The following YJU2B variants were observed in gnomAD, a reference collection of about 807,000 sequenced individuals.
YJU2B encodes the protein probable splicing factor YJU2B.
A neutral mutation model predicts 38.0 loss-of-function variants in YJU2B; 18 were observed. That is an observed-to-expected ratio of 0.47 (90% CI 0.33 to 0.70). The LOEUF (loss-of-function observed/expected upper bound fraction) is 0.70. Ranked by LOEUF, YJU2B falls within the 30% of genes least tolerant of loss-of-function variation. The pLI, the probability that YJU2B is intolerant of heterozygous loss-of-function variation, is 0.02. For missense variants in YJU2B, 538 were observed against 556.3 expected, an observed-to-expected ratio of 0.97 and a Z score of 0.33; for synonymous variants, 246 against 225.4, an observed-to-expected ratio of 1.09 and a Z score of -0.82.
intron 8 of YJU2B, among the ~76,000 whole-genome samples, chr19:13,760,221 G>A (rs1201682069): frequency 6.6e-6 from 1 of 152,064 alleles, no homozygotes; most frequent in African/African-American, 2.4e-5. Flanking sequence ...ACCGAGACCA[G>A]CCAAAATAAA....
upstream of YJU2B, among the ~76,000 whole-genome samples, chr19:13,746,160 G>A (rs1341985676): frequency 1.3e-5 from 2 of 151,976 alleles, no homozygotes; most frequent in African/African-American, 2.4e-5. Flanking sequence ...GCTGAAGCAG[G>A]AGACTCACTT....
At chr19:13,754,008 T>C (rs942812315) in intron 2 of YJU2B, among the ~76,000 whole-genome samples, 16 of 151,768 alleles carry the variant, frequency 1.1e-4, no homozygotes, top group Non-Finnish European at 1.9e-4. Flanking sequence ...CCATCTCTAC[T>C]AAAAATACAA....
intron 6 of YJU2B, among the ~76,000 whole-genome samples, chr19:13,758,161 C>T (rs779506440): frequency 2.6e-5 from 4 of 152,218 alleles, no homozygotes; most frequent in Non-Finnish European, 5.9e-5. Context: ...ACACCCACCT[C>T]TGTGCTTCCA....
rs763221273 is a variant in YJU2B at position 13,759,142 on chromosome 19, G to A, written c.443G>A (p.Arg148Gln). 1.4e-5 allele frequency: 22 copies of A among 1,613,606 alleles called. No homozygotes were observed. The highest frequency in any genetic ancestry group is 2.2e-5 in the East Asian group (1 of 44,874). ...KQKLETDAMFRLEHGEADRST... is the reference protein window; with the variant it reads ...KQKLETDAMFQLEHGEADRST... ...AAGCTGGAGACGGACGCCATGTTCC[G>A]GCTGGAGCATGGCGAGGCCGACCGC... Residue 148 changes from arginine (R) to glutamine (Q), a missense_variant, in exon 8 of 10, where the codon CGG becomes CAG. Around this residue, in one of 2 missense-constraint regions of YJU2B, gnomAD observed 488 missense variants for 469.5 expected, o/e 1.04. Transcript: ENST00000221554.
chr19:13,740,597 G>A (rs1193382913), intron 2 of YJU2B, among the ~76,000 whole-genome samples: 2 of 151,978 alleles, frequency 1.3e-5, no homozygotes, highest in East Asian at 3.9e-4. Context: ...GAGTGTAGTG[G>A]CGCAATCTTG....
chr19:13,750,112 A>C lies in YJU2B; in HGVS notation c.-201-1496A>C, dbSNP rs948669000. On this transcript the variant is annotated intron_variant, in intron 1 of 9. Transcript: ENST00000221554. The stretch of plus-strand genomic sequence containing the variant: ...TGGGCCTGGCACTGTCCTAGGTGTT[A>C]GGGATATGGCACAGTGTGACCTGCC... 8.5e-5 allele frequency among the ~76,000 whole-genome samples: 13 copies of C among 152,174 alleles called. 1 individual carries two copies. Among genetic ancestry groups the C allele is most frequent in the African/African-American group, 2.9e-4 (12 of 41,464 alleles).
At chr19:13,761,976 A>C (rs1048769141) in intron 8 of YJU2B, among the ~76,000 whole-genome samples, 1 of 152,116 alleles carries the variant, frequency 6.6e-6, no homozygotes, top group African/African-American at 2.4e-5. Context: ...CACCCGCCTC[A>C]GCCTCCCAAA....
At chr19:13,746,323 G>C (rs565411447), upstream of YJU2B, among the ~76,000 whole-genome samples, 2 of 152,186 alleles carry the variant, frequency 1.3e-5, no homozygotes, top group African/African-American at 2.4e-5. Flanking sequence ...AAGGCTCTAA[G>C]AGAAGTATCC....
At chr19:13,751,456 T>C (rs1973460067) in intron 1 of YJU2B, among the ~76,000 whole-genome samples, 152 bp from the exon 2 acceptor site, 1 of 152,022 alleles carries the variant, frequency 6.6e-6, no homozygotes, top group South Asian at 2.1e-4. Flanking sequence ...GGTGAGCAAG[T>C]GTCAAGGGCA....
intron 2 of YJU2B, among the ~76,000 whole-genome samples, chr19:13,735,696 G>A (rs1972924999): frequency 1.3e-5 from 2 of 152,132 alleles, no homozygotes; most frequent in African/African-American, 2.4e-5. Context: ...TCCTTTGTGG[G>A]AAATTATGGT....
rs757849630 is a variant in YJU2B, at chr19:13,759,372, G to A, written c.573+100G>A. On this transcript the variant is annotated intron_variant, in intron 8 of 9. Transcript: ENST00000221554. ...ACATCCTAGCTTTGAGCAGGCCACT[G>A]TACCCTCTGAGCCTCAGTTTCCCCA... The A allele has an allele frequency of 4.2e-6, 4 of 962,424 alleles. No individual in the cohort carries two copies. In the South Asian group the frequency reaches 6.8e-5, roughly 16 times the overall value. 59.6% of individuals were successfully genotyped at this position (962,424 alleles called of 1,614,324 possible).
intron 2 of YJU2B, among the ~76,000 whole-genome samples, chr19:13,739,357 G>T (rs1973035481): frequency 6.6e-6 from 1 of 152,086 alleles, no homozygotes; most frequent in South Asian, 2.1e-4. Context: ...GTCTCCTTGT[G>T]TTGCCTAAGT....
intron 2 of YJU2B, 116 bp from the exon 3 acceptor site, chr19:13,754,172 TA>T: frequency 1.3e-6 from 1 of 770,864 alleles, no homozygotes; most frequent in Non-Finnish European, 2.2e-6. Flanking sequence ...ACTCCATCTC[TA>T]AAAATTAATA....
chr19:13,732,354 A>T (rs1183111012), intron 2 of YJU2B: 5 of 151,948 alleles, frequency 3.3e-5, no homozygotes, highest in African/African-American at 9.7e-5. Flanking sequence ...GGGTGGGGAG[A>T]AGGAATGAAG....
upstream of YJU2B, among the ~76,000 whole-genome samples, chr19:13,745,646 CATAGATAGATAG>C (rs1555699801): frequency 5.2e-5 from 6 of 116,374 alleles, no homozygotes; most frequent in East Asian, 5.1e-4. Flanking sequence ...AGCAAAACTC[CATAGATAGATAG>C]ATAGATAGAT....
intron 2 of YJU2B, 97 bp downstream of exon 2, chr19:13,751,908 A>T (rs1056791961): frequency 8.1e-7 from 1 of 1,228,820 alleles, no homozygotes. Flanking sequence ...TAAGATGATG[A>T]TTTCAATCTC....
chr19:13,755,599 A>C (rs1365884920), intron 3 of YJU2B, among the ~76,000 whole-genome samples: 1 of 152,180 alleles, frequency 6.6e-6, no homozygotes, highest in Non-Finnish European at 1.5e-5. Context: ...CAAGGGAAAC[A>C]GAGGCTCGGG....
At chr19:13,762,568 A>G in intron 9 of YJU2B, 22 bp from the exon 10 acceptor site, 1 of 1,531,274 alleles carries the variant, frequency 6.5e-7, no homozygotes, top group Non-Finnish European at 8.7e-7. Flanking sequence ...CCGCCCCTGA[A>G]ATGTCCTCTC....
chr19:13,762,565 T>A, intron 9 of YJU2B, 25 bp from the exon 10 acceptor site: 1 of 1,531,072 alleles, frequency 6.5e-7, no homozygotes, highest in Non-Finnish European at 8.7e-7. Context: ...CTGCCGCCCC[T>A]GAAATGTCCT....
Sources: allele counts gnomAD v4.1 joint callset (sites outside exome capture counted in the v4.1 genomes callset), GRCh38; gene constraint gnomAD v4.1.1; regional missense constraint gnomAD v4.1.1; transcripts MANE v1.5; gene names NCBI Gene and HGNC (gene_info 2026-07-23, HGNC 2026-07-21).